Variants in BRAF observed in about 807,000 individuals in gnomAD.
BRAF encodes serine/threonine-protein kinase B-raf.
In BRAF, 16 loss-of-function variants were observed where a neutral mutation model predicts 104.6. That is an observed-to-expected ratio of 0.15 (90% CI 0.10 to 0.23). The LOEUF (loss-of-function observed/expected upper bound fraction) is 0.23, where lower values mean the gene tolerates loss of function less well. Among genes scored for constraint, BRAF ranks in the 10% least tolerant of loss-of-function variants. BRAF has a pLI of 1.00. For missense variants in BRAF, 541 were observed against 937.3 expected, an observed-to-expected ratio of 0.58 and a Z score of 5.52; for synonymous variants, 310 against 341.6, an observed-to-expected ratio of 0.91 and a Z score of 1.02.
intron 14 of BRAF, among the ~76,000 whole-genome samples, chr7:140,769,787 C>T (rs1799667041): frequency 6.6e-6 from 1 of 152,064 alleles, no homozygotes; most frequent in African/African-American, 2.4e-5. Flanking sequence ...GTCATCCAGG[C>T]TGGTCTCAAA....
rs1795443435 is a variant in BRAF at position 140,723,808 on chromosome 7, A to G, written c.*2686T>C. On this transcript the variant is annotated 3_prime_UTR_variant, in exon 20 of 20. Transcript: ENST00000644969. ...TCAGTGACGCAGCCACATACTGTCT[A>G]TACAATTACTCATAAAGTGCTTTTC... 1 of 1,047,260 alleles carries G rather than the reference A, an allele frequency of 9.5e-7. No individual in the cohort carries two copies. The highest frequency in any genetic ancestry group is 1.2e-6 in the Non-Finnish European group (1 of 867,992). The allele number at this position is 1,047,260 out of a possible 1,614,324, so 64.9% of individuals were successfully genotyped here.
chr7:140,794,593 C>A (rs761751907), intron 7 of BRAF, 126 bp from the exon 8 acceptor site: 1 of 1,148,236 alleles, frequency 8.7e-7, no homozygotes, highest in African/African-American at 1.6e-5. Flanking sequence ...CATTAAAAAC[C>A]TAGCAGTAAT....
rs543156089 is a variant in BRAF at position 140,720,525 on chromosome 7, A to G, written c.*5969T>C. 2.8e-6 allele frequency: 3 copies of G among 1,064,996 alleles called. No individual in the cohort carries two copies. In the East Asian group the frequency reaches 1.5e-4, roughly 53 times the overall value. 66.0% of individuals were successfully genotyped at this position (1,064,996 alleles called of 1,614,324 possible). A position where few individuals can be genotyped will look rare whatever the true frequency, so the allele number is the denominator to read the frequency against. ...GCTATGGAACATACACAAATGTATT[A>G]GGAAGGAATGATTCTTAAAAAAACC... is the stretch of plus-strand genomic sequence containing the variant. On this transcript the variant is annotated 3_prime_UTR_variant, in exon 20 of 20. Transcript: ENST00000644969.
At chr7:140,867,024 T>C (rs1401441099) in intron 1 of BRAF, among the ~76,000 whole-genome samples, 1 of 152,174 alleles carries the variant, frequency 6.6e-6, no homozygotes, top group Non-Finnish European at 1.5e-5. Context: ...TAATATAAGA[T>C]TGCTCCAGCT....
At chr7:140,730,947 G>A (rs1795912164) in intron 19 of BRAF, 1 of 152,064 alleles carries the variant, frequency 6.6e-6, no homozygotes, top group Non-Finnish European at 1.5e-5. Context: ...GACATTTAAG[G>A]AGAAAGTCAA....
At chr7:140,767,781 C>T (rs1009857862) in intron 14 of BRAF, among the ~76,000 whole-genome samples, 1 of 152,080 alleles carries the variant, frequency 6.6e-6, no homozygotes, top group African/African-American at 2.4e-5. Context: ...GTTACTTGCC[C>T]CTTCCATAAC....
chr7:140,740,129 T>A lies in BRAF; in HGVS notation c.2113-183A>T, dbSNP rs538256167. 1.1e-5 allele frequency: 7 copies of A among 619,324 alleles called. No individual in the cohort carries two copies. The East Asian group carries it at 1.2e-4, about 10-fold the overall frequency. 38.4% of individuals were successfully genotyped at this position (619,324 alleles called of 1,614,324 possible). ...GATGGTGGGAAACCCACAAAAGGAG[T>A]GCAAGCTCAAATCTTCATGATCCTT... On this transcript the variant is annotated intron_variant, in intron 17 of 19. Coordinates refer to ENST00000644969, the MANE Select transcript of BRAF (RefSeq NM_001374258.1).
rs1253142618 is a variant in BRAF at position 140,721,984 on chromosome 7, C to T, written c.*4510G>A. ...CTCTGGAAACTGATAAAACCAAATT[C>T]GGTCCTATATTTCAATTTCCCCTTC... On this transcript the variant is annotated 3_prime_UTR_variant, in exon 20 of 20. Transcript: ENST00000644969. The T allele has an allele frequency of 3.4e-5, 41 of 1,197,250 alleles. No individual in the cohort carries two copies. Among genetic ancestry groups the T allele is most frequent in the East Asian group, 7.1e-5 (2 of 28,112 alleles). The allele number at this position is 1,197,250 out of a possible 1,614,324, so 74.2% of individuals were successfully genotyped here. A position where few individuals can be genotyped will look rare whatever the true frequency, so the allele number is the denominator to read the frequency against.
At position 140,722,664 on chromosome 7, in the gene BRAF, T is replaced by C; in HGVS notation, c.*3830A>G. Reference sequence around the variant, plus strand: ...GAGAATCTTGCAAAAAGAGTAATCATTCTACCCTCTTAGCTGGGTGGTCTT... The same window carrying C: ...GAGAATCTTGCAAAAAGAGTAATCACTCTACCCTCTTAGCTGGGTGGTCTT... On this transcript the variant is annotated 3_prime_UTR_variant, in exon 20 of 20. Transcript: ENST00000644969. The C allele has an allele frequency of 9.5e-7, 1 of 1,052,342 alleles. No homozygotes were observed. Among genetic ancestry groups the C allele is most frequent in the African/African-American group, 1.7e-5 (1 of 60,506 alleles). The allele number at this position is 1,052,342 out of a possible 1,614,324, so 65.2% of individuals were successfully genotyped here.
intron 1 of BRAF, among the ~76,000 whole-genome samples, chr7:140,862,151 A>G (rs1324381578): frequency 6.6e-6 from 1 of 152,254 alleles, no homozygotes; most frequent in East Asian, 1.9e-4. Flanking sequence ...TGAATATCCA[A>G]TGGGAGGAAA....
Position 140,841,243 on chromosome 7 carries a change from G to A in BRAF, c.241-6371C>T, listed in dbSNP as rs539112108. The stretch of plus-strand genomic sequence containing the variant: ...AAAAAAACAAATAGATAATAACAAG[G>A]GTTGATGAGGATGGAGAGAAACTGT... On this transcript the variant is annotated intron_variant, in intron 2 of 19. Coordinates refer to ENST00000644969, the MANE Select transcript of BRAF (RefSeq NM_001374258.1). Among the ~76,000 whole-genome samples, 17 of 152,128 alleles carry A rather than the reference G, an allele frequency of 1.1e-4. No homozygotes were observed. The South Asian group carries it at 1.5e-3, about 13-fold the overall frequency.
At chr7:140,915,695 CA>C (rs1817549618) in intron 1 of BRAF, among the ~76,000 whole-genome samples, 1 of 152,106 alleles carries the variant, frequency 6.6e-6, no homozygotes, top group African/African-American at 2.4e-5. Flanking sequence ...CCTGGCCTCC[CA>C]AAGTGCTGGG....
chr7:140,725,228 T>C lies in BRAF; in HGVS notation c.*1266A>G, dbSNP rs375218576. 17 of 1,044,324 alleles carry C rather than the reference T, an allele frequency of 1.6e-5. No individual in the cohort carries two copies. In the East Asian group the frequency reaches 1.7e-4, roughly 10 times the overall value. The allele number at this position is 1,044,324 out of a possible 1,614,324, so 64.7% of individuals were successfully genotyped here. On this transcript the variant is annotated 3_prime_UTR_variant, in exon 20 of 20. Coordinates refer to ENST00000644969, the MANE Select transcript of BRAF (RefSeq NM_001374258.1). ...TGTGGGATATAGTGTTAGGAATCAGTTGGAAGAAACAATGAGATTATTAGC... is the reference window on the plus strand; with the variant it reads ...TGTGGGATATAGTGTTAGGAATCAGCTGGAAGAAACAATGAGATTATTAGC...
Position 140,719,926 on chromosome 7 carries a change from A to T in BRAF, c.*6568T>A. On this transcript the variant is annotated 3_prime_UTR_variant, in exon 20 of 20. Transcript: ENST00000644969. ...GAGGAATGTGTGTGTGAGTCGCCATAAGGTTTGGAGTGGTGAAACAGGAAC... is the reference window on the plus strand; with the variant it reads ...GAGGAATGTGTGTGTGAGTCGCCATTAGGTTTGGAGTGGTGAAACAGGAAC... 1 of 1,062,504 alleles carries T rather than the reference A, an allele frequency of 9.4e-7. No homozygotes were observed. The highest frequency in any genetic ancestry group is 1.1e-6 in the Non-Finnish European group (1 of 877,528). The allele number at this position is 1,062,504 out of a possible 1,614,324, so 65.8% of individuals were successfully genotyped here.
In BRAF at chr7:140,785,185, C is replaced by G. The variant is rs1158648521; in HGVS notation, c.1297+504G>C. Among the ~76,000 whole-genome samples, 4 of 151,518 alleles carry G rather than the reference C, an allele frequency of 2.6e-5. No individual in the cohort carries two copies. The South Asian group carries it at 6.3e-4, about 24-fold the overall frequency. ...ATCCCATATTGGGGGAAAGAAAAAC[C>G]CAAAAAACACTGCTAGTATTACAGA... On this transcript the variant is annotated intron_variant, in intron 10 of 19. Transcript: ENST00000644969.
intron 17 of BRAF, among the ~76,000 whole-genome samples, chr7:140,746,822 T>G (rs1384545762): frequency 2.9e-5 from 4 of 138,222 alleles, no homozygotes; most frequent in African/African-American, 1.1e-4. Flanking sequence ...ACAGCAAGAC[T>G]CCGTCTTGGA....
rs186729334 is a variant in BRAF, at chr7:140,881,557, A to C, written c.139-31345T>G. Reference sequence around the variant, plus strand: ...AGGCATGAGCCTGTTTTGCTTTCTTATCATTCGTGTATTCACTGGAGTAGC... The same window carrying C: ...AGGCATGAGCCTGTTTTGCTTTCTTCTCATTCGTGTATTCACTGGAGTAGC... On this transcript the variant is annotated intron_variant, in intron 1 of 19. Coordinates refer to ENST00000644969, the MANE Select transcript of BRAF (RefSeq NM_001374258.1). Among the ~76,000 whole-genome samples, 497 of 152,280 alleles carry C rather than the reference A, an allele frequency of 3.3e-3. 3 individuals carry two copies. The highest frequency in any genetic ancestry group is 0.011 in the African/African-American group (475 of 41,558).
intron 1 of BRAF, among the ~76,000 whole-genome samples, chr7:140,904,998 GA>G (rs1338773397): frequency 6.6e-6 from 1 of 152,028 alleles, no homozygotes; most frequent in Non-Finnish European, 1.5e-5. Context: ...AAAATGGACA[GA>G]AAAAAATGCT....
chr7:140,820,647 A>G (rs1467252990), intron 3 of BRAF, among the ~76,000 whole-genome samples: 1 of 152,176 alleles, frequency 6.6e-6, no homozygotes, highest in Non-Finnish European at 1.5e-5. Flanking sequence ...AATTATTCAA[A>G]TATATCTCAG....
Sources: gnomAD v4.1 joint callset for allele counts (sites outside exome capture counted in the v4.1 genomes callset) on GRCh38, gnomAD v4.1.1 for gene constraint, MANE v1.5 for transcripts, NCBI Gene and HGNC (gene_info 2026-07-23, HGNC 2026-07-21) for gene names.